Variants in TNR observed in about 807,000 individuals in gnomAD.
TNR encodes the protein tenascin R.
TNR carries 45 observed loss-of-function variants against 150.4 expected under a neutral mutation model. That is an observed-to-expected ratio of 0.30 (90% CI 0.24 to 0.38). The LOEUF is 0.38. Ranked by LOEUF, TNR falls within the 10% of genes least tolerant of loss-of-function variation. TNR has a pLI of 1.00. For missense variants in TNR, 1,544 were observed against 1,759.1 expected (o/e 0.88, Z 2.19); for synonymous variants, 687 against 678.4 (o/e 1.01, Z -0.20).
intron 19 of TNR, 114 bp from the exon 20 acceptor site, chr1:175,335,921 G>T: frequency 1.1e-6 from 1 of 886,106 alleles, no homozygotes; most frequent in Non-Finnish European, 1.7e-6. Flanking sequence ...TTTTATATCT[G>T]CAATGACAAA....
chr1:175,608,644 T>G (rs1479188193), intron 1 of TNR, among the ~76,000 whole-genome samples: 1 of 152,178 alleles, frequency 6.6e-6, no homozygotes, highest in African/African-American at 2.4e-5. Context: ...AGATATAGCA[T>G]GTTCAAGGAG....
intron 1 of TNR, among the ~76,000 whole-genome samples, chr1:175,621,926 C>T (rs557256708): frequency 1.3e-5 from 2 of 152,242 alleles, no homozygotes; most frequent in African/African-American, 2.4e-5. Flanking sequence ...CTCAGCTCCA[C>T]AGCTTCCTGG....
chr1:175,404,958 C>CTCTA (rs1653879944), intron 3 of TNR, among the ~76,000 whole-genome samples: 1 of 152,190 alleles, frequency 6.6e-6, no homozygotes, highest in Non-Finnish European at 1.5e-5. Flanking sequence ...CAGTGACTGC[C>CTCTA]TCTAGACTTG....
At chr1:175,463,123 T>G (rs1344206296) in intron 2 of TNR, among the ~76,000 whole-genome samples, 2 of 152,150 alleles carry the variant, frequency 1.3e-5, no homozygotes, top group Non-Finnish European at 2.9e-5. Flanking sequence ...CCTTAAAATA[T>G]TCTATATCTG....
intron 1 of TNR, among the ~76,000 whole-genome samples, chr1:175,544,654 A>T (rs1660618538): frequency 6.6e-6 from 1 of 152,336 alleles, no homozygotes; most frequent in Middle Eastern, 3.4e-3. Flanking sequence ...GTACTCAAAG[A>T]ATGGATGCAA....
intron 1 of TNR, among the ~76,000 whole-genome samples, chr1:175,610,444 G>T (rs917315982): frequency 6.6e-6 from 1 of 152,194 alleles, no homozygotes; most frequent in East Asian, 1.9e-4. Flanking sequence ...AAACAAAAAT[G>T]CTTGTTAACC....
At chr1:175,428,899 C>A (rs112875042) in intron 2 of TNR, among the ~76,000 whole-genome samples, 44 of 152,046 alleles carry the variant, frequency 2.9e-4, no homozygotes, top group African/African-American at 1.1e-3. Context: ...AGAATCCATT[C>A]TGCTTTCCCC....
chr1:175,708,419 T>C (rs1666902364), intron 1 of TNR, among the ~76,000 whole-genome samples: 1 of 152,160 alleles, frequency 6.6e-6, no homozygotes, highest in Non-Finnish European at 1.5e-5. Context: ...TGATGAAAAG[T>C]AGGGTCTGGG....
intron 2 of TNR, among the ~76,000 whole-genome samples, chr1:175,504,552 T>G (rs1270164953): frequency 6.6e-6 from 1 of 152,198 alleles, no homozygotes; most frequent in Non-Finnish European, 1.5e-5. Flanking sequence ...ACTCTGGCTG[T>G]GGCTGCTGTC....
At chr1:175,694,812 C>T (rs1371194376) in intron 1 of TNR, among the ~76,000 whole-genome samples, 1 of 152,084 alleles carries the variant, frequency 6.6e-6, no homozygotes, top group African/African-American at 2.4e-5. Context: ...AAGACATCTA[C>T]AATCAAAGGA....
In TNR at chr1:175,362,876, T is replaced by A. The variant is rs1030931516; in HGVS notation, c.2708-67A>T. On this transcript the variant is annotated intron_variant, in intron 13 of 22. Coordinates refer to ENST00000367674, the MANE Select transcript of TNR (RefSeq NM_003285.3). ...TTCATCCAAGCAGCCCATGGTACAG[T>A]CTATGTCAATAAAGCACAGATGGGT... The A allele has an allele frequency of 4.4e-6, 7 of 1,590,804 alleles. No individual in the cohort carries two copies. The African/African-American group carries it at 9.4e-5, about 21-fold the overall frequency.
intron 1 of TNR, among the ~76,000 whole-genome samples, chr1:175,609,016 A>G (rs1473350511): frequency 1.3e-5 from 2 of 152,304 alleles, no homozygotes; most frequent in South Asian, 2.1e-4. Flanking sequence ...AGAGGCACAA[A>G]AGGGAATACT....
Position 175,484,223 on chromosome 1 carries a change from G to A in TNR, c.-64+44046C>T, listed in dbSNP as rs557822671. ...CATCTCTATGCTAATTTTCAATAAT[G>A]AAACTCTCCATTCCAACCATCCGCA... is the stretch of plus-strand genomic sequence containing the variant. On this transcript the variant is annotated intron_variant, in intron 2 of 22. Transcript: ENST00000367674. Among the ~76,000 whole-genome samples the A allele has an allele frequency of 1.1e-4, 17 of 152,228 alleles. No individual in the cohort carries two copies. The South Asian group carries it at 3.3e-3, about 30-fold the overall frequency.
In TNR at chr1:175,315,742, G is replaced by GAATCA; in HGVS notation, c.*7614_*7615insTGATT. The GAATCA allele has an allele frequency of 6.6e-6, 1 of 152,328 alleles. No individual in the cohort carries two copies. The highest frequency in any genetic ancestry group is 1.5e-5 in the Non-Finnish European group (1 of 68,122). The allele number at this position is 152,328 out of a possible 1,614,324, so 9.4% of individuals were successfully genotyped here. ...CCCATGGGCCTGGGGAGTATTCGAG[G>GAATCA]TTGGAATCATTAGATGTGTGTGTTT... On this transcript the variant is annotated 3_prime_UTR_variant, in exon 23 of 23. Coordinates refer to ENST00000367674, the MANE Select transcript of TNR (RefSeq NM_003285.3).
rs530688051 is a variant in TNR, at chr1:175,637,079, G to T, written c.-165+106147C>A. ...TAACATTTGCTTGCAATATCAGCCA[G>T]TTAGTCCCTATAGACTTAGTCCTTA... is the stretch of plus-strand genomic sequence containing the variant. On this transcript the variant is annotated intron_variant, in intron 1 of 22. Transcript: ENST00000367674. Among the ~76,000 whole-genome samples, 123 of 152,344 alleles carry T rather than the reference G, an allele frequency of 8.1e-4. 1 individual carries two copies. The highest frequency in any genetic ancestry group is 2.8e-3 in the African/African-American group (116 of 41,596).
intron 9 of TNR, among the ~76,000 whole-genome samples, chr1:175,367,523 C>G (rs985816838): frequency 1.3e-5 from 2 of 152,174 alleles, no homozygotes; most frequent in Non-Finnish European, 2.9e-5. Context: ...CAGGCAGGCT[C>G]TCTGGGAAGG....
chr1:175,673,804 A>G (rs1440911976), intron 1 of TNR, among the ~76,000 whole-genome samples: 4 of 152,276 alleles, frequency 2.6e-5, no homozygotes, highest in African/African-American at 7.2e-5. Context: ...CATGCCAATC[A>G]TAATAAAAAG....
chr1:175,558,815 G>A (rs532911315), intron 1 of TNR, among the ~76,000 whole-genome samples: 49 of 152,116 alleles, frequency 3.2e-4, no homozygotes, highest in Non-Finnish European at 5.9e-4. Flanking sequence ...AGAAATTTTA[G>A]GGCAGTGAAA....
chr1:175,732,911 G>A (rs923701338), intron 1 of TNR, among the ~76,000 whole-genome samples: 12 of 152,200 alleles, frequency 7.9e-5, no homozygotes, highest in Non-Finnish European at 1.8e-4. Context: ...AGATGTTAGC[G>A]ATTATTTTGC....
Sources: gnomAD v4.1 joint callset for allele counts (sites outside exome capture counted in the v4.1 genomes callset) on GRCh38, gnomAD v4.1.1 for gene constraint, MANE v1.5 for transcripts, NCBI Gene and HGNC (gene_info 2026-07-23, HGNC 2026-07-21) for gene names.